Variants in SRPK1 observed in about 807,000 individuals in gnomAD.
SRPK1 encodes SFRS protein kinase 1.
SRPK1 carries 52 observed loss-of-function variants against 89.5 expected under a neutral mutation model. The ratio of observed to expected loss-of-function variants is 0.58; its 90% confidence interval spans 0.46 to 0.73. The LOEUF (loss-of-function observed/expected upper bound fraction) is 0.73. SRPK1 is among the 30% of genes least tolerant of loss of function. The probability of loss-of-function intolerance (pLI) is 0.00; values close to 1 mark genes in which losing one functional copy is unlikely to be tolerated. For synonymous variants in SRPK1, 255 were observed against 270.2 expected (o/e 0.94, Z 0.55); for missense variants, 603 against 780.6 (o/e 0.77, Z 2.71).
chr6:35,864,428 G>A (rs1327421286), intron 12 of SRPK1, among the ~76,000 whole-genome samples: 1 of 152,046 alleles, frequency 6.6e-6, no homozygotes, highest in African/African-American at 2.4e-5. Context: ...CATACAAATG[G>A]CAAAGAGGCA....
intron 12 of SRPK1, among the ~76,000 whole-genome samples, chr6:35,866,258 G>C (rs1769900901): frequency 6.6e-6 from 1 of 152,022 alleles, no homozygotes; most frequent in African/African-American, 2.4e-5. Flanking sequence ...ACACACTCTT[G>C]GTGGGAATGA....
rs570582052 is a variant in SRPK1 at position 35,906,191 on chromosome 6, TA to T, written c.74+14276del. Among the ~76,000 whole-genome samples, 561 of 152,170 alleles carry T rather than the reference TA, an allele frequency of 3.7e-3. 9 individuals are homozygous for T. Among genetic ancestry groups the T allele is most frequent in the Non-Finnish European group, 4.3e-3 (293 of 68,000 alleles). On this transcript the variant is annotated intron_variant, in intron 2 of 15. Transcript: ENST00000373825. ...CAATTAGCCAACAGTGGACAAGCAA[TA>T]AAAATAACCACACATGATACAACAT... is the stretch of plus-strand genomic sequence containing the variant.
At chr6:35,840,454 A>G (rs922248383) in intron 14 of SRPK1, among the ~76,000 whole-genome samples, 1 of 152,226 alleles carries the variant, frequency 6.6e-6, no homozygotes, top group African/African-American at 2.4e-5. Flanking sequence ...AAAAATAAGA[A>G]TACTAAGGAA....
chr6:35,911,792 GACA>G (rs1770974691), intron 2 of SRPK1, among the ~76,000 whole-genome samples: 1 of 152,050 alleles, frequency 6.6e-6, no homozygotes, highest in Non-Finnish European at 1.5e-5. Flanking sequence ...TTGTTGAAAT[GACA>G]ACAAGGGACT....
At chr6:35,857,010 T>G in intron 13 of SRPK1, 1 of 404,452 alleles carries the variant, frequency 2.5e-6, no homozygotes, top group Admixed American at 4.1e-5. Flanking sequence ...TTTTCATTAT[T>G]TCCCCCCACT....
At chr6:35,847,881 G>A (rs968764614) in intron 13 of SRPK1, among the ~76,000 whole-genome samples, 9 of 151,648 alleles carry the variant, frequency 5.9e-5, no homozygotes, top group Non-Finnish European at 1.2e-4. Flanking sequence ...AGGCTGGACT[G>A]TAGTGGTGTA....
At chr6:35,851,908 C>T (rs1391199638) in intron 13 of SRPK1, among the ~76,000 whole-genome samples, 1 of 152,206 alleles carries the variant, frequency 6.6e-6, no homozygotes, top group Non-Finnish European at 1.5e-5. Context: ...CAAGGCACTG[C>T]TATAGACTTA....
At chr6:35,854,926 A>C (rs1661525700) in intron 13 of SRPK1, among the ~76,000 whole-genome samples, 1 of 152,208 alleles carries the variant, frequency 6.6e-6, no homozygotes, top group African/African-American at 2.4e-5. Context: ...GCAAGAAAGA[A>C]GCCTGAGATT....
At chr6:35,871,222 C>T (rs1378353990) in intron 8 of SRPK1, among the ~76,000 whole-genome samples, 1 of 152,114 alleles carries the variant, frequency 6.6e-6, no homozygotes, top group Non-Finnish European at 1.5e-5. Context: ...CTAAAAATCA[C>T]CTATTTTCCA....
intron 13 of SRPK1, among the ~76,000 whole-genome samples, chr6:35,849,606 A>G (rs1289230560): frequency 6.6e-6 from 1 of 152,208 alleles, no homozygotes; most frequent in Non-Finnish European, 1.5e-5. Flanking sequence ...TTTAAAATCA[A>G]TCTAAGTTGA....
intron 6 of SRPK1, among the ~76,000 whole-genome samples, chr6:35,879,875 C>A (rs926610252): frequency 2.0e-4 from 31 of 151,718 alleles, no homozygotes; most frequent in Non-Finnish European, 4.3e-4. Context: ...AGTTCAAGAC[C>A]AACCTGGGCC....
chr6:35,860,446 A>G (rs1769758091), intron 12 of SRPK1, among the ~76,000 whole-genome samples: 1 of 152,230 alleles, frequency 6.6e-6, no homozygotes, highest in African/African-American at 2.4e-5. Flanking sequence ...CACATAGGTA[A>G]GAAAACACAC....
At chr6:35,920,130 A>G in intron 2 of SRPK1, 1 of 488,662 alleles carries the variant, frequency 2.0e-6, no homozygotes, top group South Asian at 1.5e-5. Flanking sequence ...GTTCAGAAAC[A>G]GACCGATAAT....
intron 12 of SRPK1, among the ~76,000 whole-genome samples, chr6:35,865,367 C>T (rs897459030): frequency 1.3e-5 from 2 of 152,054 alleles, no homozygotes; most frequent in East Asian, 3.8e-4. Context: ...AACAATCACA[C>T]TATCCAAAGC....
intron 2 of SRPK1, among the ~76,000 whole-genome samples, chr6:35,914,740 C>T (rs1184277944): frequency 3.9e-5 from 6 of 152,064 alleles, no homozygotes; most frequent in Non-Finnish European, 8.8e-5. Flanking sequence ...GAAAACAATG[C>T]TTGGGACAGG....
chr6:35,920,236 C>A, intron 2 of SRPK1: 1 of 617,844 alleles, frequency 1.6e-6, no homozygotes, highest in Non-Finnish European at 3.1e-6. Flanking sequence ...TCTGGTCCTC[C>A]TCCGACAGCC....
At position 35,888,909 on chromosome 6, in the gene SRPK1, C is replaced by G; in HGVS notation, c.208G>C (p.Val70Leu). 3 of 1,611,110 alleles carry G rather than the reference C, an allele frequency of 1.9e-6. No homozygotes were observed. Among genetic ancestry groups the G allele is most frequent in the Non-Finnish European group, 2.5e-6 (3 of 1,177,520 alleles). The stretch of plus-strand genomic sequence containing the variant: ...CCATTGAATAGATCTCCAATTTTCA[C>G]AAGATGATAACCTCCTGGAAGAAAC... ...NDYCKGGYHL[V>L]KIGDLFNGRY... is the part of the protein sequence containing the mutation. The change falls in exon 4 of 16, where the codon GTG becomes CTG. Residue 70 changes from valine to leucine, a missense_variant. By Grantham distance (32) the Val-to-Leu change is conservative. Transcript: ENST00000373825.
At chr6:35,849,616 A>G (rs1388157490) in intron 13 of SRPK1, among the ~76,000 whole-genome samples, 1 of 152,212 alleles carries the variant, frequency 6.6e-6, no homozygotes, top group African/African-American at 2.4e-5. Context: ...ATCTAAGTTG[A>G]GTCTATACAG....
chr6:35,838,840 T>C (rs1236063110), intron 14 of SRPK1: 16 of 1,355,728 alleles, frequency 1.2e-5, no homozygotes, highest in Non-Finnish European at 1.5e-5. Flanking sequence ...GGACAAGCTG[T>C]AAAAGAGGTT....
Sources: gnomAD v4.1 joint callset for allele counts (sites outside exome capture counted in the v4.1 genomes callset) on GRCh38, gnomAD v4.1.1 for gene constraint, MANE v1.5 for transcripts, NCBI Gene and HGNC (gene_info 2026-07-23, HGNC 2026-07-21) for gene names.